The following NRG3 variants were observed in gnomAD, a reference collection of about 807,000 sequenced individuals.
The protein encoded by NRG3 is pro-neuregulin-3, membrane-bound isoform.
In NRG3, 31 loss-of-function variants were observed where a neutral mutation model predicts 66.9. The observed-to-expected ratio is 0.46, with a 90% CI of 0.35 to 0.63. The LOEUF (loss-of-function observed/expected upper bound fraction) is 0.63. NRG3 is among the 20% of genes least tolerant of loss of function. The pLI is 0.00. For synonymous variants in NRG3, 393 were observed against 359.4 expected, an observed-to-expected ratio of 1.09 and a Z score of -1.06; for missense variants, 910 against 878.9, an observed-to-expected ratio of 1.04 and a Z score of -0.45.
chr10:82,817,712 C>T (rs2061773487), intron 3 of NRG3, among the ~76,000 whole-genome samples: 1 of 152,228 alleles, frequency 6.6e-6, no homozygotes, highest in Non-Finnish European at 1.5e-5. Context: ...AAGTTCAATT[C>T]AGCAGCCATT....
chr10:82,783,163 A>C (rs1435788163), intron 3 of NRG3, among the ~76,000 whole-genome samples: 1 of 152,202 alleles, frequency 6.6e-6, no homozygotes, highest in Admixed American at 6.5e-5. Context: ...ACAACGCTTC[A>C]TGCTAAAAAC....
chr10:82,502,405 G>A (rs889428898), intron 2 of NRG3, among the ~76,000 whole-genome samples: 2 of 152,152 alleles, frequency 1.3e-5, no homozygotes, highest in African/African-American at 4.8e-5. Context: ...TTTTCCCTCA[G>A]ATACATTGTA....
intron 2 of NRG3, among the ~76,000 whole-genome samples, chr10:82,489,203 A>G (rs1842909976): frequency 6.6e-6 from 1 of 152,222 alleles, no homozygotes; most frequent in Admixed American, 6.5e-5. Context: ...GTTGATTCGG[A>G]AATGGGTGCT....
chr10:82,325,378 C>A (rs578128160), intron 1 of NRG3, among the ~76,000 whole-genome samples: 127 of 152,102 alleles, frequency 8.3e-4, no homozygotes, highest in Middle Eastern at 6.8e-3. Flanking sequence ...TTAGTAGAGA[C>A]AAGGACTCGC....
intron 2 of NRG3, among the ~76,000 whole-genome samples, chr10:82,699,699 CT>C (rs960720116): frequency 2.0e-5 from 3 of 152,072 alleles, no homozygotes; most frequent in Non-Finnish European, 4.4e-5. Flanking sequence ...TTATTTTAGC[CT>C]TTTGCATTTA....
At position 82,323,209 on chromosome 10, in the gene NRG3, CAT is replaced by C. The variant is rs547764401; in HGVS notation, c.824-35529_824-35528del. On this transcript the variant is annotated intron_variant, in intron 1 of 8. Coordinates refer to ENST00000372141, the MANE Select transcript of NRG3 (RefSeq NM_001010848.4). ...CTCCATTTAACACTGTTCATCCAAA[CAT>C]GTGTACACAATTGGCATATCTACTT... Among the ~76,000 whole-genome samples, 498 of 152,264 alleles carry C rather than the reference CAT, an allele frequency of 3.3e-3. 1 individual carries two copies. Among genetic ancestry groups the C allele is most frequent in the Non-Finnish European group, 5.3e-3 (362 of 68,016 alleles).
At chr10:81,892,186 T>C (rs1223170296) in intron 1 of NRG3, among the ~76,000 whole-genome samples, 1 of 152,132 alleles carries the variant, frequency 6.6e-6, no homozygotes, top group African/African-American at 2.4e-5. Context: ...GGTAGCCAGC[T>C]ATAGGTGTGC....
At chr10:82,466,872 A>G (rs1004064451) in intron 2 of NRG3, among the ~76,000 whole-genome samples, 28 of 148,366 alleles carry the variant, frequency 1.9e-4, no homozygotes, top group African/African-American at 6.7e-4. Flanking sequence ...GGGAAGGGGT[A>G]TTATGCTGGG....
At chr10:82,796,586 G>A (rs563560446) in intron 3 of NRG3, among the ~76,000 whole-genome samples, 15 of 152,322 alleles carry the variant, frequency 9.8e-5, no homozygotes, top group East Asian at 7.7e-4. Context: ...AAGAGAGAGA[G>A]AGGGGGAGGC....
chr10:81,894,047 A>T (rs1843278535), intron 1 of NRG3, among the ~76,000 whole-genome samples: 1 of 152,156 alleles, frequency 6.6e-6, no homozygotes, highest in Non-Finnish European at 1.5e-5. Context: ...TATGCATGGA[A>T]ATTTATTTTC....
intron 2 of NRG3, among the ~76,000 whole-genome samples, chr10:82,500,476 A>G (rs1844067810): frequency 6.6e-6 from 1 of 152,156 alleles, no homozygotes; most frequent in Non-Finnish European, 1.5e-5. Context: ...TACATTTAAT[A>G]CTACCTTTTT....
At chr10:82,304,464 C>CT (rs577410984) in intron 1 of NRG3, among the ~76,000 whole-genome samples, 1 of 152,086 alleles carries the variant, frequency 6.6e-6, no homozygotes, top group African/African-American at 2.4e-5. Flanking sequence ...TTGCAGGGTT[C>CT]TTTTTCCACT....
intron 1 of NRG3, among the ~76,000 whole-genome samples, chr10:82,277,894 C>G (rs185660389): frequency 1.7e-4 from 26 of 152,210 alleles, no homozygotes; most frequent in Admixed American, 3.9e-4. Context: ...ATGGATTGGT[C>G]TACCCTCCTC....
chr10:82,197,671 A>C (rs2074518245), intron 1 of NRG3, among the ~76,000 whole-genome samples: 1 of 152,170 alleles, frequency 6.6e-6, no homozygotes. Context: ...GATAAACAAC[A>C]CCAGATGTTG....
chr10:82,147,853 C>T (rs938820036), intron 1 of NRG3, among the ~76,000 whole-genome samples: 3 of 152,204 alleles, frequency 2.0e-5, no homozygotes, highest in African/African-American at 7.2e-5. Context: ...TTCAGAATCA[C>T]TCAATGTTAC....
In NRG3 at chr10:81,876,136, C is replaced by G. The variant is rs1455489959; in HGVS notation, c.796C>G (p.Pro266Ala). Reference protein sequence around the residue: ...SSSSSATTTTPETSTSPKFHT... With the variant: ...SSSSSATTTTAETSTSPKFHT... ...TTCCTCCTCCGCTACCACCACCACACCAGAAACTAGCACCAGCCCCAAATT... is the reference window on the plus strand; with the variant it reads ...TTCCTCCTCCGCTACCACCACCACAGCAGAAACTAGCACCAGCCCCAAATT... Residue 266 changes from proline to alanine, a missense_variant, in exon 1 of 9, where the codon CCA (proline) becomes GCA (alanine). Pro to Ala is a conservative substitution (Grantham distance 27). Transcript: ENST00000372141. The G allele has an allele frequency of 2.5e-6, 4 of 1,600,108 alleles. No individual in the cohort carries two copies. In the Admixed American group the frequency reaches 5.2e-5, roughly 21 times the overall value.
intron 2 of NRG3, among the ~76,000 whole-genome samples, chr10:82,710,956 A>G (rs142170427): frequency 0.011 from 1,640 of 152,160 alleles, 28 homozygotes; most frequent in African/African-American, 0.038. Context: ...CAAATACATT[A>G]TTTACTTATG....
chr10:82,388,046 G>A, intron 2 of NRG3, among the ~76,000 whole-genome samples: 1 of 152,108 alleles, frequency 6.6e-6, no homozygotes, highest in East Asian at 1.9e-4. Flanking sequence ...TACTGATCCT[G>A]TGACCCAGAA....
At chr10:82,909,856 C>CA (rs1363841380) in intron 4 of NRG3, among the ~76,000 whole-genome samples, 1 of 152,138 alleles carries the variant, frequency 6.6e-6, no homozygotes, top group Non-Finnish European at 1.5e-5. Flanking sequence ...AACTGAACAG[C>CA]AGTGTAAGTG....
Sources: allele counts gnomAD v4.1 joint callset (sites outside exome capture counted in the v4.1 genomes callset), GRCh38; gene constraint gnomAD v4.1.1; transcripts MANE v1.5; gene names NCBI Gene and HGNC (gene_info 2026-07-23, HGNC 2026-07-21).